Variants in ACSL4 observed in about 807,000 individuals in gnomAD.
ACSL4 encodes the protein long-chain-fatty-acid--CoA ligase 4.
ACSL4 carries 9 observed loss-of-function variants against 49.1 expected under a neutral mutation model. The observed-to-expected ratio is 0.18, with a 90% CI of 0.11 to 0.32. The LOEUF is 0.32. ACSL4 is among the 10% of genes least tolerant of loss of function. The pLI is 1.00. For missense variants in ACSL4, 333 were observed against 493.7 expected, an observed-to-expected ratio of 0.67 and a Z score of 3.08; for synonymous variants, 191 against 170.3, an observed-to-expected ratio of 1.12 and a Z score of -0.95.
intron 1 of ACSL4, among the ~76,000 whole-genome samples, chrX:109,699,068 A>G (rs1925668795): frequency 8.9e-6 from 1 of 112,708 alleles, no homozygotes; most frequent in Middle Eastern, 4.6e-3. Flanking sequence ...CAGTGGAAAA[A>G]TATTAAGAAA....
At chrX:109,647,202 C>G (rs1467425789) in intron 15 of ACSL4, among the ~76,000 whole-genome samples, 2 of 111,503 alleles carry the variant, frequency 1.8e-5, no homozygotes, top group Admixed American at 9.5e-5. Context: ...CTCTCCACTC[C>G]AAATCAACAG....
chrX:109,658,761 T>C (rs944411730), intron 15 of ACSL4, among the ~76,000 whole-genome samples: 3 of 111,792 alleles, frequency 2.7e-5, no homozygotes, highest in African/African-American at 9.8e-5. Flanking sequence ...GGTACCCTCA[T>C]CTGTGGTACC....
intron 15 of ACSL4, among the ~76,000 whole-genome samples, chrX:109,648,703 G>C (rs1161867794): frequency 9.3e-6 from 1 of 107,887 alleles, no homozygotes; most frequent in Non-Finnish European, 1.9e-5. Context: ...GGAAATAAAG[G>C]GTATTCAATT....
At chrX:109,719,279 G>A (rs1254843482) in intron 1 of ACSL4, among the ~76,000 whole-genome samples, 1 of 111,363 alleles carries the variant, frequency 9.0e-6, no homozygotes, top group African/African-American at 3.3e-5. Flanking sequence ...GGGTACCACA[G>A]AGATAAGACA....
At chrX:109,672,621 A>G (rs1923358647) in intron 9 of ACSL4, among the ~76,000 whole-genome samples, 1 of 111,302 alleles carries the variant, frequency 9.0e-6, no homozygotes, top group Non-Finnish European at 1.9e-5. Context: ...TCTACCAAAA[A>G]TAATTCTCAA....
intron 2 of ACSL4, among the ~76,000 whole-genome samples, chrX:109,687,389 T>C (rs1176217695): frequency 3.6e-5 from 4 of 112,347 alleles, no homozygotes; most frequent in African/African-American, 9.7e-5. Context: ...TGTGGTTCTA[T>C]GCAGCCATAA....
rs1409798973 is a variant in ACSL4, at chrX:109,648,355, C to A, written c.1856-4169G>T. ...TCAAGTGGGCTTCATCCCTGGGATG[C>A]AAGGCTGGTTTAATATACGCAAATC... On this transcript the variant is annotated intron_variant, in intron 15 of 15. Coordinates refer to ENST00000672401, the MANE Select transcript of ACSL4 (RefSeq NM_001318510.2). Among the ~76,000 whole-genome samples the A allele has an allele frequency of 3.6e-5, 4 of 111,855 alleles. No individual in the cohort carries two copies. In the East Asian group the frequency reaches 1.1e-3, roughly 31 times the overall value.
intron 15 of ACSL4, among the ~76,000 whole-genome samples, chrX:109,655,539 T>C (rs778042855): frequency 1.3e-4 from 14 of 110,520 alleles, no homozygotes; most frequent in Non-Finnish European, 2.5e-4. Flanking sequence ...CCAACAGCCA[T>C]ATAAAAGTAG....
intron 9 of ACSL4, among the ~76,000 whole-genome samples, 164 bp downstream of exon 9, chrX:109,674,238 A>ACCTAATCC (rs1402936023): frequency 2.7e-5 from 3 of 111,969 alleles, no homozygotes; most frequent in Non-Finnish European, 3.8e-5. Flanking sequence ...CTTCCCTAGT[A>ACCTAATCC]TGGTACCTAA....
chrX:109,672,079 T>TAAAAAAAAC (rs1923307693), intron 9 of ACSL4, among the ~76,000 whole-genome samples: 1 of 37,389 alleles, frequency 2.7e-5, no homozygotes, highest in Non-Finnish European at 4.6e-5. Context: ...CAATAAATAC[T>TAAAAAAAAC]AAAAAAAAAA....
intron 12 of ACSL4, among the ~76,000 whole-genome samples, chrX:109,664,152 A>C (rs762239092): frequency 7.1e-4 from 79 of 111,012 alleles, no homozygotes; most frequent in African/African-American, 2.4e-3. Flanking sequence ...ACATGATAAA[A>C]CCCATTGTAT....
intron 1 of ACSL4, 54 bp downstream of exon 1, chrX:109,733,085 T>A (rs780892160): frequency 2.8e-4 from 91 of 328,551 alleles, no homozygotes; most frequent in African/African-American, 2.3e-3. Context: ...GGGGCCCTGG[T>A]ACCGACAGGG....
chrX:109,667,910 T>C (rs1355376059), intron 11 of ACSL4, among the ~76,000 whole-genome samples, 191 bp downstream of exon 11: 1 of 110,328 alleles, frequency 9.1e-6, no homozygotes, highest in African/African-American at 3.3e-5. Context: ...AAAAAAATTA[T>C]AAGGCTTAAA....
intron 1 of ACSL4, among the ~76,000 whole-genome samples, chrX:109,706,026 T>A (rs955728459): frequency 1.8e-5 from 2 of 112,721 alleles, no homozygotes; most frequent in African/African-American, 6.4e-5. Flanking sequence ...AATGTTTAAA[T>A]CTTGACTTTT....
At chrX:109,701,426 A>G (rs1302926592) in intron 1 of ACSL4, among the ~76,000 whole-genome samples, 1 of 110,377 alleles carries the variant, frequency 9.1e-6, no homozygotes, top group African/African-American at 3.3e-5. Context: ...CATATTGGAC[A>G]AGCTGGTCTT....
rs1044022110 is a variant in ACSL4 at position 109,731,157 on chromosome X, C to T, written c.-66+1982G>A. On this transcript the variant is annotated intron_variant, in intron 1 of 15. Transcript: ENST00000672401. The stretch of plus-strand genomic sequence containing the variant: ...GTATACCTAAATTGAAACCACTATA[C>T]ACAAACCTTTGAGAAAAACATTCTA... Among the ~76,000 whole-genome samples the T allele has an allele frequency of 4.5e-5, 5 of 111,357 alleles. No homozygotes were observed. The Admixed American group carries it at 4.8e-4, about 11-fold the overall frequency.
At chrX:109,684,053 T>A (rs980597926) in intron 2 of ACSL4, among the ~76,000 whole-genome samples, 1 of 110,444 alleles carries the variant, frequency 9.1e-6, no homozygotes, top group Non-Finnish European at 1.9e-5. Flanking sequence ...AGATTTCTCT[T>A]AAACATGTGC....
Position 109,682,793 on chromosome X carries a change from G to T in ACSL4, c.332C>A (p.Thr111Asn), listed in dbSNP as rs1412919038. The change falls in exon 4 of 16, where the codon ACC (threonine) becomes AAC (asparagine). Residue 111 changes from threonine to asparagine, a missense_variant. Around this residue, in one of 3 missense-constraint regions of ACSL4, gnomAD observed 157 missense variants for 201.1 expected, o/e 0.78. Coordinates refer to ENST00000672401, the MANE Select transcript of ACSL4 (RefSeq NM_001318510.2). ...LTALGLKPKN[T>N]IAIFCETRAE... ...CCTGGTCTCACAGAAGATGGCAATG[G>T]TGTTCTTTGGTTTTAGTCCCAGTGC... The T allele has an allele frequency of 4.1e-6, 5 of 1,209,974 alleles. No individual in the cohort carries two copies. Among genetic ancestry groups the T allele is most frequent in the Non-Finnish European group, 5.6e-6 (5 of 895,216 alleles).
At chrX:109,685,732 C>T (rs1046376332) in intron 2 of ACSL4, among the ~76,000 whole-genome samples, 2 of 110,079 alleles carry the variant, frequency 1.8e-5, no homozygotes, top group Non-Finnish European at 3.8e-5. Context: ...GCTGTGTAAC[C>T]TTGAGCAAAC....
Sources: gnomAD v4.1 joint callset for allele counts (sites outside exome capture counted in the v4.1 genomes callset) on GRCh38, gnomAD v4.1.1 for gene constraint, gnomAD v4.1.1 regional missense constraint, MANE v1.5 for transcripts, NCBI Gene and HGNC (gene_info 2026-07-23, HGNC 2026-07-21) for gene names.